PDE4D: variants seen among roughly 807,000 people sequenced by gnomAD.
The protein encoded by PDE4D is phosphodiesterase 4D.
A neutral mutation model predicts 87.4 loss-of-function variants in PDE4D; 24 were observed. That is an observed-to-expected ratio of 0.27 (90% CI 0.20 to 0.39). The LOEUF (loss-of-function observed/expected upper bound fraction) is 0.39, where lower values mean the gene tolerates loss of function less well. PDE4D is among the 10% of genes least tolerant of loss of function. The probability of loss-of-function intolerance (pLI) is 1.00; values close to 1 mark genes in which losing one functional copy is unlikely to be tolerated. For missense variants in PDE4D, 714 were observed against 1,041.0 expected (o/e 0.69, Z 4.32); for synonymous variants, 384 against 383.2 (o/e 1.00, Z -0.02).
At chr5:60,080,499 A>G (rs1311089432) in intron 2 of PDE4D, among the ~76,000 whole-genome samples, 1 of 152,182 alleles carries the variant, frequency 6.6e-6, no homozygotes, top group African/African-American at 2.4e-5. Flanking sequence ...CCCATTCAAT[A>G]TGACATTGGC....
In PDE4D at chr5:60,100,805, T is replaced by C. The variant is rs1776142315; in HGVS notation, c.42+84752A>G. 2.0e-5 allele frequency among the ~76,000 whole-genome samples: 3 copies of C among 152,132 alleles called. No homozygotes were observed. The South Asian group carries it at 6.2e-4, about 31-fold the overall frequency. On this transcript the variant is annotated intron_variant, in intron 2 of 16. Transcript: ENST00000502484. ...AGACACCATGGGCATATATCAGCTC[T>C]TAGGAAATATGTTCACACATACACA...
intron 1 of PDE4D, among the ~76,000 whole-genome samples, chr5:59,648,558 C>G (rs1425443711): frequency 6.6e-6 from 1 of 152,112 alleles, no homozygotes; most frequent in African/African-American, 2.4e-5. Flanking sequence ...ATATTAATGA[C>G]TAAACACACT....
chr5:59,631,701 C>T (rs1043746443), intron 1 of PDE4D, among the ~76,000 whole-genome samples: 12 of 152,160 alleles, frequency 7.9e-5, no homozygotes, highest in Non-Finnish European at 1.5e-4. Context: ...CCGTGAGGAA[C>T]GAAGCTACCC....
In PDE4D at chr5:59,788,350, AT is replaced by A. The variant is rs368114487; in HGVS notation, c.455+104817del. On this transcript the variant is annotated intron_variant, in intron 1 of 14. Coordinates refer to ENST00000340635, the MANE Select transcript of PDE4D (RefSeq NM_001104631.2). ...AGCTGGGCACATAGAGCTGAGCCCAATAACAAAACCTTGGCTGTCTGAAGGA... is the reference window on the plus strand; with the variant it reads ...AGCTGGGCACATAGAGCTGAGCCCAAAACAAAACCTTGGCTGTCTGAAGGA... Among the ~76,000 whole-genome samples, 184 of 152,322 alleles carry A rather than the reference AT, an allele frequency of 1.2e-3. 1 individual carries two copies. Among genetic ancestry groups the A allele is most frequent in the African/African-American group, 4.3e-3 (177 of 41,566 alleles).
At chr5:59,896,439 A>G (rs1182668945), upstream of PDE4D, among the ~76,000 whole-genome samples, 3 of 152,110 alleles carry the variant, frequency 2.0e-5, no homozygotes, top group Non-Finnish European at 4.4e-5. Context: ...TCACCAGGAG[A>G]GCTAATCCAG....
intron 1 of PDE4D, among the ~76,000 whole-genome samples, chr5:60,231,483 A>C (rs559429787): frequency 8.6e-5 from 13 of 151,924 alleles, no homozygotes; most frequent in Non-Finnish European, 1.6e-4. Flanking sequence ...AAATGATCTT[A>C]ATGATATTTT....
rs376681746 is a variant in PDE4D at position 59,586,379 on chromosome 5, C to T, written c.455+306789G>A. 1.6e-5 allele frequency: 25 copies of T among 1,611,654 alleles called. No individual in the cohort carries two copies. The highest frequency in any genetic ancestry group is 1.3e-4 in the African/African-American group (10 of 74,810). Reference sequence around the variant, plus strand: ...GAAAATTATTCACGTGCATCATGTTCGCAGATCTTCTGTCATTAATATTTT... The same window carrying T: ...GAAAATTATTCACGTGCATCATGTTTGCAGATCTTCTGTCATTAATATTTT... On this transcript the variant is annotated intron_variant, in intron 1 of 14. Transcript: ENST00000340635.
intron 1 of PDE4D, among the ~76,000 whole-genome samples, chr5:59,301,888 C>T (rs1245098448): frequency 1.3e-5 from 2 of 151,902 alleles, no homozygotes; most frequent in Non-Finnish European, 2.9e-5. Context: ...AAATTTCCTC[C>T]CAAACAGGAA....
At chr5:59,193,990 G>A (rs1434172671) in intron 2 of PDE4D, among the ~76,000 whole-genome samples, 2 of 152,128 alleles carry the variant, frequency 1.3e-5, no homozygotes, top group Non-Finnish European at 2.9e-5. Flanking sequence ...TGTAAGTCTT[G>A]GACAGGCTAG....
intron 1 of PDE4D, among the ~76,000 whole-genome samples, chr5:60,448,143 G>A (rs1251594274): frequency 1.3e-5 from 2 of 151,904 alleles, no homozygotes; most frequent in Non-Finnish European, 2.9e-5. Flanking sequence ...CCAAATAGAA[G>A]AAAATAATGA....
intron 3 of PDE4D, among the ~76,000 whole-genome samples, chr5:59,949,618 T>C (rs1014290858): frequency 2.0e-5 from 3 of 152,080 alleles, no homozygotes; most frequent in Non-Finnish European, 2.9e-5. Context: ...GGCCTGATTC[T>C]CTGGTTCAAA....
At chr5:60,088,232 C>T (rs1195315692) in intron 2 of PDE4D, among the ~76,000 whole-genome samples, 2 of 151,586 alleles carry the variant, frequency 1.3e-5, no homozygotes, top group Non-Finnish European at 2.9e-5. Context: ...CAACACGACA[C>T]TTCGCCTACA....
At chr5:60,249,928 C>G in intron 1 of PDE4D, among the ~76,000 whole-genome samples, 1 of 151,890 alleles carries the variant, frequency 6.6e-6, no homozygotes, top group Non-Finnish European at 1.5e-5. Flanking sequence ...TTTATGATGC[C>G]ATATAATGTG....
At chr5:60,468,729 T>C (rs967003146) in intron 1 of PDE4D, among the ~76,000 whole-genome samples, 1 of 152,016 alleles carries the variant, frequency 6.6e-6, no homozygotes, top group Non-Finnish European at 1.5e-5. Context: ...TCTTACTATG[T>C]TGCCCAGGCT....
intron 1 of PDE4D, among the ~76,000 whole-genome samples, chr5:59,754,796 C>CTT (rs1760973786): frequency 2.0e-4 from 17 of 83,824 alleles, no homozygotes; most frequent in African/African-American, 3.5e-4. Flanking sequence ...TTCCACAGAA[C>CTT]ATTTTTTTTT....
chr5:59,536,864 T>A (rs1815366395), intron 1 of PDE4D, among the ~76,000 whole-genome samples: 1 of 152,216 alleles, frequency 6.6e-6, no homozygotes, highest in African/African-American at 2.4e-5. Flanking sequence ...TGGTACAACC[T>A]ACATGAAATA....
chr5:59,731,339 T>C (rs1757332628), intron 1 of PDE4D, among the ~76,000 whole-genome samples: 1 of 152,010 alleles, frequency 6.6e-6, no homozygotes, highest in South Asian at 2.1e-4. Flanking sequence ...GTGGGAGCAG[T>C]ATCGCCAATG....
chr5:59,884,532 AT>A (rs1251640043), intron 1 of PDE4D, among the ~76,000 whole-genome samples: 6 of 152,108 alleles, frequency 3.9e-5, no homozygotes, highest in Non-Finnish European at 7.4e-5. Flanking sequence ...ATCATCATTT[AT>A]TTTACAATTT....
intron 1 of PDE4D, among the ~76,000 whole-genome samples, chr5:60,495,745 T>C (rs1299188984): frequency 6.6e-6 from 1 of 152,240 alleles, no homozygotes; most frequent in East Asian, 1.9e-4. Context: ...GTACGTGTCC[T>C]TCTAATGATC....
Sources: allele counts gnomAD v4.1 joint callset (sites outside exome capture counted in the v4.1 genomes callset), GRCh38; gene constraint gnomAD v4.1.1; transcripts MANE v1.5; gene names NCBI Gene and HGNC (gene_info 2026-07-23, HGNC 2026-07-21).